The following SIK3 variants were observed in gnomAD, a reference collection of about 807,000 sequenced individuals.
SIK3 encodes the protein SIK family kinase 3.
SIK3 carries 28 observed loss-of-function variants against 144.2 expected under a neutral mutation model. The observed-to-expected ratio is 0.19, with a 90% confidence interval of 0.14 to 0.27. The LOEUF (loss-of-function observed/expected upper bound fraction) is 0.27. Ranked by LOEUF, SIK3 falls within the 10% of genes least tolerant of loss-of-function variation. SIK3 has a pLI of 1.00. For synonymous variants in SIK3, 686 were observed against 676.3 expected (o/e 1.01, Z -0.22); for missense variants, 1,319 against 1,776.0 (o/e 0.74, Z 4.62).
At chr11:117,057,867 C>T (rs1953611079) in intron 1 of SIK3, among the ~76,000 whole-genome samples, 1 of 152,156 alleles carries the variant, frequency 6.6e-6, no homozygotes, top group Non-Finnish European at 1.5e-5. Flanking sequence ...AACCAAAAAA[C>T]TTCCTATGTG....
At chr11:117,044,485 A>ACTTT (rs939397677) in intron 1 of SIK3, among the ~76,000 whole-genome samples, 11 of 124,606 alleles carry the variant, frequency 8.8e-5, no homozygotes, top group African/African-American at 1.3e-4. Context: ...TAAACTGCTG[A>ACTTT]CTTAAGAGAT....
At chr11:116,945,661 C>T (rs1253396557) in intron 3 of SIK3, among the ~76,000 whole-genome samples, 1 of 152,138 alleles carries the variant, frequency 6.6e-6, no homozygotes, top group African/African-American at 2.4e-5. Context: ...CCTGTTGCCT[C>T]TTCATTTGCA....
chr11:116,878,775 GTTTT>G (rs1266672383), intron 6 of SIK3, among the ~76,000 whole-genome samples: 2 of 152,062 alleles, frequency 1.3e-5, no homozygotes, highest in East Asian at 1.9e-4. Flanking sequence ...CTTTACATGT[GTTTT>G]TTTGTTTGTT....
chr11:117,061,416 C>T (rs1315958710), intron 1 of SIK3, among the ~76,000 whole-genome samples: 1 of 152,148 alleles, frequency 6.6e-6, no homozygotes, highest in Non-Finnish European at 1.5e-5. Context: ...CTCAGTCTGG[C>T]TCTTCCACTT....
In SIK3 at chr11:117,081,435, A is replaced by C. The variant is rs1007918502; in HGVS notation, c.273+16708T>G. 1.8e-4 allele frequency among the ~76,000 whole-genome samples: 28 copies of C among 152,178 alleles called. 1 individual carries two copies. Among genetic ancestry groups the C allele is most frequent in the Non-Finnish European group, 2.9e-5 (2 of 68,036 alleles). Reference sequence around the variant, plus strand: ...TCAGGAGATCAAGACCATCCTGGCTAACACGGTGAAACCCCGTCTCTACTA... The same window carrying C: ...TCAGGAGATCAAGACCATCCTGGCTCACACGGTGAAACCCCGTCTCTACTA... On this transcript the variant is annotated intron_variant, in intron 1 of 24. Transcript: ENST00000445177.
At chr11:116,894,598 C>T (rs541032134) in intron 6 of SIK3, among the ~76,000 whole-genome samples, 38 of 152,306 alleles carry the variant, frequency 2.5e-4, no homozygotes, top group Non-Finnish European at 5.1e-4. Flanking sequence ...CTACTTCAGC[C>T]ACTTGGTAGC....
intron 4 of SIK3, among the ~76,000 whole-genome samples, chr11:116,910,817 GAAC>G (rs1050526500): frequency 1.3e-5 from 2 of 151,820 alleles, no homozygotes; most frequent in South Asian, 2.1e-4. Flanking sequence ...TGAAAAACAA[GAAC>G]AACAACAACA....
At chr11:117,075,970 T>G (rs1247259103) in intron 1 of SIK3, among the ~76,000 whole-genome samples, 1 of 148,452 alleles carries the variant, frequency 6.7e-6, no homozygotes, top group Non-Finnish European at 1.5e-5. Context: ...TGCCTCAGCC[T>G]CTCTAGTAGC....
At chr11:116,924,646 G>A (rs1043980859) in intron 4 of SIK3, among the ~76,000 whole-genome samples, 19 of 152,116 alleles carry the variant, frequency 1.2e-4, no homozygotes, top group South Asian at 4.1e-4. Context: ...CCATGGACTC[G>A]GGCACAGAGC....
intron 1 of SIK3, among the ~76,000 whole-genome samples, chr11:117,059,528 C>G (rs532672551): frequency 7.6e-4 from 116 of 152,114 alleles, no homozygotes; most frequent in Non-Finnish European, 1.4e-3. Context: ...CACAACCAGA[C>G]AGCAAGCAAC....
Position 116,849,169 on chromosome 11 carries a change from G to A in SIK3, c.3770C>T (p.Pro1257Leu), listed in dbSNP as rs1264476541. 8.1e-6 allele frequency: 13 copies of A among 1,613,580 alleles called. No individual in the cohort carries two copies. The highest frequency in any genetic ancestry group is 1.1e-5 in the Non-Finnish European group (13 of 1,179,604). The change falls in exon 22 of 25, where the codon CCC (proline) becomes CTC (leucine). Residue 1257 changes from proline to leucine, a missense_variant. Coordinates refer to ENST00000445177, the MANE Select transcript of SIK3 (RefSeq NM_001366686.3). This position sits in a 1 kb window ranked among gnomAD's most constrained non-coding sequence, Gnocchi z 4.2. Reference protein sequence around the residue: ...ARPSVHEHHRPRALQRHHTIQ... With the variant: ...ARPSVHEHHRLRALQRHHTIQ... ...CGTGTGGTGTCTCTGGAGGGCCCGG[G>A]GCCTGTGGTGCTCATGGACGGAGGG...
intron 4 of SIK3, among the ~76,000 whole-genome samples, chr11:116,920,057 C>G (rs12224143): frequency 6.6e-6 from 1 of 151,918 alleles, no homozygotes; most frequent in Non-Finnish European, 1.5e-5. Flanking sequence ...AGCCTTATAT[C>G]TTATATTCAA....
intron 21 of SIK3, among the ~76,000 whole-genome samples, chr11:116,850,569 T>C (rs1016152874): frequency 6.6e-6 from 1 of 152,270 alleles, no homozygotes; most frequent in Admixed American, 6.5e-5. Flanking sequence ...TGCTCTAACA[T>C]TATCCTTGGT....
At chr11:116,905,896 C>G (rs1359081850) in intron 4 of SIK3, among the ~76,000 whole-genome samples, 1 of 152,178 alleles carries the variant, frequency 6.6e-6, no homozygotes, top group Admixed American at 6.5e-5. Context: ...AATATTTTCT[C>G]CCATTCTGTG....
intron 1 of SIK3, among the ~76,000 whole-genome samples, chr11:116,987,390 G>T (rs1339433549): frequency 6.7e-6 from 1 of 150,284 alleles, no homozygotes; most frequent in Non-Finnish European, 1.5e-5. Context: ...TTGAATAGAT[G>T]TTCTGAGAGA....
At chr11:117,042,217 T>C (rs1952774996) in intron 1 of SIK3, among the ~76,000 whole-genome samples, 2 of 152,210 alleles carry the variant, frequency 1.3e-5, no homozygotes, top group Non-Finnish European at 1.5e-5. Flanking sequence ...TCTTTCTCAC[T>C]AAACCCACAG....
intron 1 of SIK3, among the ~76,000 whole-genome samples, chr11:117,019,514 A>C (rs933628472): frequency 6.6e-6 from 1 of 152,230 alleles, no homozygotes; most frequent in African/African-American, 2.4e-5. Flanking sequence ...AGTAAATTTT[A>C]AAAGTAAAAG....
At chr11:116,960,345 G>A (rs1949295254) in intron 1 of SIK3, among the ~76,000 whole-genome samples, 1 of 152,084 alleles carries the variant, frequency 6.6e-6, no homozygotes, top group Admixed American at 6.6e-5. Context: ...GGGCAACAAA[G>A]TGAGACCTCA....
In SIK3 at chr11:116,917,733, AAGAGAG is replaced by A. The variant is rs146697165; in HGVS notation, c.616+9480_616+9485del. 1.1e-3 allele frequency among the ~76,000 whole-genome samples: 159 copies of A among 147,684 alleles called. No homozygotes were observed. In the South Asian group the frequency reaches 0.015, roughly 14 times the overall value. On this transcript the variant is annotated intron_variant, in intron 4 of 24. Transcript: ENST00000445177. Reference sequence around the variant, plus strand: ...GGCAAGGAAGGAAAGGAGGAAGGGAAAGAGAGAGAGAGAGAGAGGAAAGAGAGCGAG... The same window carrying A: ...GGCAAGGAAGGAAAGGAGGAAGGGAAAGAGAGAGAGAGGAAAGAGAGCGAG...
Sources: gnomAD v4.1 joint callset for allele counts (sites outside exome capture counted in the v4.1 genomes callset) on GRCh38, gnomAD v4.1.1 for gene constraint, Gnocchi (gnomAD v3.1) non-coding constraint, MANE v1.5 for transcripts, NCBI Gene and HGNC (gene_info 2026-07-23, HGNC 2026-07-21) for gene names.